Variants in PTPRO observed in about 807,000 individuals in gnomAD.
PTPRO encodes receptor-type tyrosine-protein phosphatase O.
PTPRO carries 62 observed loss-of-function variants against 145.2 expected under a neutral mutation model. The observed-to-expected ratio is 0.43, with a 90% CI of 0.35 to 0.53. PTPRO has a LOEUF of 0.53. Ranked by LOEUF, PTPRO falls within the 20% of genes least tolerant of loss-of-function variation. The pLI is 0.01. For missense variants in PTPRO, 1,345 were observed against 1,482.7 expected (o/e 0.91, Z 1.53); for synonymous variants, 565 against 514.7 (o/e 1.10, Z -1.32).
At chr12:15,588,266 A>G (rs1944471447) in intron 24 of PTPRO, among the ~76,000 whole-genome samples, 1 of 152,226 alleles carries the variant, frequency 6.6e-6, no homozygotes, top group African/African-American at 2.4e-5. Context: ...AGAGTTGTCT[A>G]GTAGAAAAAG....
chr12:15,360,876 ACAC>A (rs1938170576), intron 1 of PTPRO, among the ~76,000 whole-genome samples: 2 of 137,012 alleles, frequency 1.5e-5, no homozygotes, highest in Non-Finnish European at 3.2e-5. Context: ...GTGTGTATAT[ACAC>A]ACATACACAT....
intron 1 of PTPRO, among the ~76,000 whole-genome samples, chr12:15,445,664 A>G (rs1041346286): frequency 2.6e-5 from 4 of 152,062 alleles, no homozygotes; most frequent in South Asian, 4.1e-4. Context: ...AATGGTGGAT[A>G]ATCATTACTT....
intron 1 of PTPRO, among the ~76,000 whole-genome samples, chr12:15,426,301 C>A (rs567308416): frequency 4.0e-5 from 6 of 151,774 alleles, no homozygotes; most frequent in Non-Finnish European, 8.8e-5. Flanking sequence ...CTTATTAATT[C>A]TAGTAGTTTT....
intron 1 of PTPRO, among the ~76,000 whole-genome samples, chr12:15,362,036 T>C (rs1412477055): frequency 6.6e-6 from 1 of 152,188 alleles, no homozygotes; most frequent in Non-Finnish European, 1.5e-5. Context: ...AATAAATTTC[T>C]GTGTGGAGGA....
intron 1 of PTPRO, among the ~76,000 whole-genome samples, chr12:15,377,632 A>G (rs1365807371): frequency 6.6e-6 from 1 of 152,134 alleles, no homozygotes; most frequent in Non-Finnish European, 1.5e-5. Context: ...CTTGAGCAAC[A>G]CTACACCAAC....
intron 8 of PTPRO, among the ~76,000 whole-genome samples, chr12:15,516,036 G>T (rs577996136): frequency 7.0e-6 from 1 of 142,454 alleles, no homozygotes; most frequent in Admixed American, 7.2e-5. Context: ...TGTCACCCAG[G>T]TTGGAATGCA....
intron 2 of PTPRO, among the ~76,000 whole-genome samples, chr12:15,486,850 T>C (rs186913344): frequency 5.3e-5 from 8 of 151,882 alleles, no homozygotes; most frequent in Non-Finnish European, 1.0e-4. Context: ...TATAATATAA[T>C]ACAATTATTT....
intron 1 of PTPRO, among the ~76,000 whole-genome samples, chr12:15,364,662 A>G (rs766122692): frequency 1.3e-4 from 20 of 152,156 alleles, no homozygotes; most frequent in Non-Finnish European, 2.5e-4. Context: ...TTGACAAGAA[A>G]GGGGGTGGGA....
At chr12:15,474,111 G>T (rs1941602948) in intron 1 of PTPRO, among the ~76,000 whole-genome samples, 1 of 152,122 alleles carries the variant, frequency 6.6e-6, no homozygotes, top group Non-Finnish European at 1.5e-5. Flanking sequence ...TGTTTCTAAG[G>T]ATTGCTGTGA....
At chr12:15,336,393 A>C (rs1378791057) in intron 1 of PTPRO, among the ~76,000 whole-genome samples, 1 of 152,168 alleles carries the variant, frequency 6.6e-6, no homozygotes, top group Non-Finnish European at 1.5e-5. Flanking sequence ...GTGTATTTGC[A>C]TTGTTAAAGA....
At chr12:15,382,122 A>C (rs1938879599) in intron 1 of PTPRO, among the ~76,000 whole-genome samples, 1 of 150,252 alleles carries the variant, frequency 6.7e-6, no homozygotes, top group Non-Finnish European at 1.5e-5. Flanking sequence ...GGGAAGTAGG[A>C]GGAAGGAAAA....
chr12:15,384,778 A>C (rs1938969358), intron 1 of PTPRO, among the ~76,000 whole-genome samples: 1 of 152,144 alleles, frequency 6.6e-6, no homozygotes, highest in Non-Finnish European at 1.5e-5. Flanking sequence ...GTGGTTTAAA[A>C]CCTTTTTATT....
chr12:15,359,800 AT>A (rs1938118315), intron 1 of PTPRO, among the ~76,000 whole-genome samples: 2 of 152,158 alleles, frequency 1.3e-5, no homozygotes, highest in South Asian at 4.1e-4. Context: ...TGGTTTTTTA[AT>A]GTTAATTATG....
At chr12:15,489,340 G>A (rs1431498661) in intron 2 of PTPRO, among the ~76,000 whole-genome samples, 1 of 152,192 alleles carries the variant, frequency 6.6e-6, no homozygotes, top group African/African-American at 2.4e-5. Context: ...GTAAAGGAAT[G>A]AAAGAATGGC....
chr12:15,448,952 T>A (rs1046607247), intron 1 of PTPRO, among the ~76,000 whole-genome samples: 2 of 151,318 alleles, frequency 1.3e-5, no homozygotes, highest in African/African-American at 2.4e-5. Flanking sequence ...GTATGTGGAA[T>A]CTGAAAAAAA....
At chr12:15,539,158 G>T (rs572263977) in intron 12 of PTPRO, among the ~76,000 whole-genome samples, 1 of 152,126 alleles carries the variant, frequency 6.6e-6, no homozygotes, top group South Asian at 2.1e-4. Context: ...AATCAGAAGG[G>T]TGAGGGGGTG....
chr12:15,497,142 C>G, intron 2 of PTPRO, 103 bp from the exon 3 acceptor site: 6 of 1,065,826 alleles, frequency 5.6e-6, no homozygotes, highest in Admixed American at 1.7e-5. Context: ...GAAAATTATG[C>G]GTGAATTTCT....
At chr12:15,413,850 G>T (rs924792959) in intron 1 of PTPRO, among the ~76,000 whole-genome samples, 10 of 151,940 alleles carry the variant, frequency 6.6e-5, no homozygotes, top group African/African-American at 2.4e-4. Context: ...AAAAATAAAA[G>T]ATTGAGACTT....
intron 20 of PTPRO, among the ~76,000 whole-genome samples, chr12:15,579,774 C>A (rs1944269358): frequency 6.6e-6 from 1 of 151,988 alleles, no homozygotes; most frequent in Non-Finnish European, 1.5e-5. Context: ...TCCTGAAATA[C>A]TCTGAACAAC....
Sources: allele counts gnomAD v4.1 joint callset (sites outside exome capture counted in the v4.1 genomes callset), GRCh38; gene constraint gnomAD v4.1.1; transcripts MANE v1.5; gene names NCBI Gene and HGNC (gene_info 2026-07-23, HGNC 2026-07-21).